Variants in PCDHA8 observed in about 807,000 individuals in gnomAD.
PCDHA8 encodes the protein protocadherin alpha-8.
PCDHA8 carries 53 observed loss-of-function variants against 61.8 expected under a neutral mutation model. That is an observed-to-expected ratio of 0.86 (90% CI 0.69 to 1.08). The LOEUF is 1.08. Among genes scored for constraint, PCDHA8 ranks in the 50% least tolerant of loss-of-function variants. PCDHA8 has a pLI of 0.00. For missense variants in PCDHA8, 1,293 were observed against 1,245.0 expected, an observed-to-expected ratio of 1.04 and a Z score of -0.58; for synonymous variants, 618 against 556.6, an observed-to-expected ratio of 1.11 and a Z score of -1.55.
chr5:141,001,842 A>G (rs574186951), intron 3 of PCDHA8, among the ~76,000 whole-genome samples: 108 of 152,288 alleles, frequency 7.1e-4, no homozygotes, highest in Non-Finnish European at 1.3e-3. Context: ...GGAGACAGAG[A>G]GAGAGGTTGA....
At chr5:140,985,391 C>T (rs2097149590) in intron 3 of PCDHA8, among the ~76,000 whole-genome samples, 1 of 152,136 alleles carries the variant, frequency 6.6e-6, no homozygotes, top group Non-Finnish European at 1.5e-5. Context: ...TCCAGTCACC[C>T]CAACTGTTCC....
intron 1 of PCDHA8, among the ~76,000 whole-genome samples, chr5:140,952,265 G>A (rs1292970434): frequency 6.6e-6 from 1 of 151,556 alleles, no homozygotes; most frequent in African/African-American, 2.4e-5. Context: ...CCCATTCTGG[G>A]GTCTTGAGGG....
At chr5:140,963,275 A>G (rs2095752915) in intron 1 of PCDHA8, among the ~76,000 whole-genome samples, 1 of 152,160 alleles carries the variant, frequency 6.6e-6, no homozygotes, top group Non-Finnish European at 1.5e-5. Flanking sequence ...AAATGTATGT[A>G]AGATTTTATA....
intron 1 of PCDHA8, among the ~76,000 whole-genome samples, chr5:140,902,424 G>A (rs1422453587): frequency 6.6e-6 from 1 of 152,038 alleles, no homozygotes; most frequent in African/African-American, 2.4e-5. Flanking sequence ...AGTGGTGAAA[G>A]TGGGCATCCT....
chr5:140,870,314 A>C (rs1253656655), intron 1 of PCDHA8: 6 of 1,613,546 alleles, frequency 3.7e-6, no homozygotes, highest in Non-Finnish European at 5.1e-6. Context: ...AAGAATTACT[A>C]CTCGTTGGTG....
chr5:140,898,263 C>T lies in PCDHA8; in HGVS notation c.2394+54548C>T, dbSNP rs1420763503. The stretch of plus-strand genomic sequence containing the variant: ...GGTGTTTTAGACATGAAGTCCTTGC[C>T]CATGCCTAAGTTCTGAATGGTAATG... On this transcript the variant is annotated intron_variant, in intron 1 of 3. Transcript: ENST00000531613. 2.0e-5 allele frequency among the ~76,000 whole-genome samples: 3 copies of T among 152,270 alleles called. No individual in the cohort carries two copies. In the East Asian group the frequency reaches 5.8e-4, roughly 29 times the overall value.
intron 1 of PCDHA8, among the ~76,000 whole-genome samples, chr5:140,872,315 AAAT>A (rs1554166135): frequency 1.3e-5 from 2 of 152,130 alleles, no homozygotes. Context: ...TGCTTTATGG[AAAT>A]AATATGACTA....
chr5:140,949,075 C>G (rs1459435331), intron 1 of PCDHA8, among the ~76,000 whole-genome samples: 1 of 151,470 alleles, frequency 6.6e-6, no homozygotes, highest in Non-Finnish European at 1.5e-5. Flanking sequence ...ACTCTTTCAC[C>G]CATTTATTAC....
rs140380568 is a variant in PCDHA8, at chr5:140,850,532, G to T, written c.2394+6817G>T. On this transcript the variant is annotated intron_variant, in intron 1 of 3. Coordinates refer to ENST00000531613, the MANE Select transcript of PCDHA8 (RefSeq NM_018911.3). ...AGAGCGGCCAGGCGCCAAAGTCATC[G>T]TCGCGGGCGTCAGTGGGTGCCACGG... is the stretch of plus-strand genomic sequence containing the variant. 5.9e-5 allele frequency: 94 copies of T among 1,598,250 alleles called. 12 individuals carry two copies. Among genetic ancestry groups the T allele is most frequent in the Non-Finnish European group, 7.6e-5 (89 of 1,167,856 alleles).
At chr5:140,851,290 G>A (rs2042014989) in intron 1 of PCDHA8, 2 of 1,033,710 alleles carry the variant, frequency 1.9e-6, no homozygotes, top group Non-Finnish European at 2.4e-6. Flanking sequence ...AGAAACCCAA[G>A]CAAAAATATA....
Position 140,853,567 on chromosome 5 carries a change from T to C in PCDHA8, c.2394+9852T>C. 2 of 981,210 alleles carry C rather than the reference T, an allele frequency of 2.0e-6. 1 individual carries two copies. The highest frequency in any genetic ancestry group is 3.5e-5 in the African/African-American group (2 of 56,602). The allele number at this position is 981,210 out of a possible 1,614,324, so 60.8% of individuals were successfully genotyped here. A position where few individuals can be genotyped will look rare whatever the true frequency, so the allele number is the denominator to read the frequency against. On this transcript the variant is annotated intron_variant, in intron 1 of 3. Transcript: ENST00000531613. ...TAATTACTATATAGGAAAAACTAAGTTGTCACCCAATATCTTAGACACTTT... is the reference window on the plus strand; with the variant it reads ...TAATTACTATATAGGAAAAACTAAGCTGTCACCCAATATCTTAGACACTTT...
intron 1 of PCDHA8, among the ~76,000 whole-genome samples, chr5:140,944,370 A>G (rs1554216325): frequency 6.6e-6 from 1 of 151,966 alleles, no homozygotes; most frequent in Admixed American, 6.6e-5. Flanking sequence ...AATTTTTTAT[A>G]GAGATGGAGT....
chr5:140,851,867 A>T, intron 1 of PCDHA8: 2 of 977,010 alleles, frequency 2.0e-6, no homozygotes, highest in South Asian at 9.5e-5. Context: ...CATACATAAC[A>T]CAAGGCAGAA....
At chr5:140,880,791 A>G (rs950375774) in intron 1 of PCDHA8, among the ~76,000 whole-genome samples, 4 of 152,242 alleles carry the variant, frequency 2.6e-5, no homozygotes, top group Non-Finnish European at 4.4e-5. Context: ...GAGGAGTAAT[A>G]TAAATAGGTG....
chr5:140,871,427 T>C (rs782140666), intron 1 of PCDHA8: 1 of 1,613,326 alleles, frequency 6.2e-7, no homozygotes, highest in South Asian at 1.1e-5. Context: ...AGCCCCAGTC[T>C]TCCTCTAGGT....
intron 1 of PCDHA8, among the ~76,000 whole-genome samples, chr5:140,912,634 G>A (rs1435924500): frequency 6.6e-6 from 1 of 152,016 alleles, no homozygotes; most frequent in African/African-American, 2.4e-5. Context: ...GAGACTTTCA[G>A]TACTATGTTG....
At chr5:140,968,463 A>G (rs1012242019) in intron 1 of PCDHA8, 6 of 1,613,994 alleles carry the variant, frequency 3.7e-6, no homozygotes, top group Middle Eastern at 1.6e-4. Context: ...GTGACTGCCA[A>G]CGTATATGTG....
chr5:140,903,367 T>G (rs1247838310), intron 1 of PCDHA8, among the ~76,000 whole-genome samples: 1 of 152,188 alleles, frequency 6.6e-6, no homozygotes, highest in African/African-American at 2.4e-5. Flanking sequence ...TTCAAAAATA[T>G]AGGGAGGATT....
chr5:140,844,111 C>T lies in PCDHA8; in HGVS notation c.2394+396C>T, dbSNP rs2150368836. Among the ~76,000 whole-genome samples, 154 of 149,570 alleles carry T rather than the reference C, an allele frequency of 1.0e-3. 8 individuals are homozygous for T. The highest frequency in any genetic ancestry group is 3.7e-3 in the African/African-American group (153 of 40,936). On this transcript the variant is annotated intron_variant, in intron 1 of 3. Transcript: ENST00000531613. ...TCTTAATCTTACTCCATATGCTGTA[C>T]TTTGAAATGCATGTTTTAAATATGT...
Sources: allele counts gnomAD v4.1 joint callset (sites outside exome capture counted in the v4.1 genomes callset), GRCh38; gene constraint gnomAD v4.1.1; transcripts MANE v1.5; gene names NCBI Gene and HGNC (gene_info 2026-07-23, HGNC 2026-07-21).